The following MEP1B variants were observed in gnomAD, a reference collection of about 807,000 sequenced individuals.
The protein encoded by MEP1B is meprin A subunit beta.
Under a neutral mutation model 84.6 loss-of-function variants are expected in MEP1B, and 80 were observed. The ratio of observed to expected loss-of-function variants is 0.95; its 90% CI spans 0.79 to 1.14. The LOEUF (loss-of-function observed/expected upper bound fraction) is 1.14. MEP1B is among the 50% of genes most tolerant of loss of function. The pLI is 0.00. For synonymous variants in MEP1B, 273 were observed against 288.1 expected, an observed-to-expected ratio of 0.95 and a Z score of 0.53; for missense variants, 766 against 855.1, an observed-to-expected ratio of 0.90 and a Z score of 1.30.
At chr18:32,217,740 A>G (rs2041107076) in intron 13 of MEP1B, 21 bp from the exon 14 acceptor site, 4 of 1,597,926 alleles carry the variant, frequency 2.5e-6, no homozygotes, top group Non-Finnish European at 3.4e-6. Context: ...AATAACTCTG[A>G]GTCATGCTCT....
chr18:32,220,166 G>T, intron 14 of MEP1B, 65 bp from the exon 15 acceptor site: 1 of 1,423,732 alleles, frequency 7.0e-7, no homozygotes, highest in South Asian at 1.2e-5. Flanking sequence ...ATTTTATTAT[G>T]ATTCATTTAA....
rs1354435007 is a variant in MEP1B at position 32,203,379 on chromosome 18, G to C, written c.368+369G>C. On this transcript the variant is annotated intron_variant, in intron 6 of 14. Transcript: ENST00000269202. The stretch of plus-strand genomic sequence containing the variant: ...TTAACCTAACCACTCTTATTTCTTG[G>C]GTTAAGAAGGCGACAGTATTATTTG... 2.8e-4 allele frequency among the ~76,000 whole-genome samples: 42 copies of C among 152,088 alleles called. 1 individual carries two copies. The highest frequency in any genetic ancestry group is 2.8e-3 in the Admixed American group (42 of 15,268).
rs776190830 is a variant in MEP1B at position 32,217,934 on chromosome 18, G to A, written c.2060G>A (p.Ser687Asn). 6 of 1,613,932 alleles carry A rather than the reference G, an allele frequency of 3.7e-6. No homozygotes were observed. The East Asian group carries it at 1.1e-4, about 30-fold the overall frequency. Residue 687 changes from serine to asparagine, a missense_variant, in exon 14 of 15, where the codon AGC (serine) becomes AAC (asparagine). Transcript: ENST00000269202. ...CTRKKYRERM[S>N]SNRPNLTPQN... ...AGGAAGAAATATCGTGAAAGGATGA[G>A]CTCAAATCGACCAAATTTGACTCCG...
chr18:32,201,309 C>CAA (rs2040909664), intron 5 of MEP1B, among the ~76,000 whole-genome samples: 1 of 151,388 alleles, frequency 6.6e-6, no homozygotes, highest in Admixed American at 6.6e-5. Context: ...TACACACACA[C>CAA]ACACACACAC....
chr18:32,199,374 C>A (rs1475735096), intron 5 of MEP1B, among the ~76,000 whole-genome samples: 1 of 152,096 alleles, frequency 6.6e-6, no homozygotes, highest in Non-Finnish European at 1.5e-5. Context: ...AACTCAGTGC[C>A]ATTTTTTGGA....
chr18:32,215,245 C>T lies in MEP1B; in HGVS notation c.1743C>T (p.Ile581=). The T allele has an allele frequency of 6.3e-7, 1 of 1,587,768 alleles. No homozygotes were observed. Among genetic ancestry groups the T allele is most frequent in the Non-Finnish European group, 8.5e-7 (1 of 1,170,708 alleles). The part of the protein sequence containing the change: ...RDFIKGDDVY[I]LLTVEDISHL... Reference sequence around the variant, plus strand: ...TTATAAAAGGAGATGATGTTTATATCCTACTGACAGTGGAAGGTATGTCAA... The same window carrying T: ...TTATAAAAGGAGATGATGTTTATATTCTACTGACAGTGGAAGGTATGTCAA... Residue 581 remains isoleucine (I), a synonymous_variant, in exon 12 of 15, where the codon ATC becomes ATT. Coordinates refer to ENST00000269202, the MANE Select transcript of MEP1B (RefSeq NM_005925.3).
intron 7 of MEP1B, among the ~76,000 whole-genome samples, chr18:32,204,653 C>A (rs1461302928): frequency 3.9e-5 from 6 of 152,120 alleles, no homozygotes; most frequent in African/African-American, 1.4e-4. Context: ...TTTTGCAAAT[C>A]CCCAAGTCTT....
At position 32,214,957 on chromosome 18, in the gene MEP1B, G is replaced by C; in HGVS notation, c.1580-125G>C. On this transcript the variant is annotated intron_variant, in intron 11 of 14. Coordinates refer to ENST00000269202, the MANE Select transcript of MEP1B (RefSeq NM_005925.3). ...TGATTTGCCAGGGAATACATCACAG[G>C]TCAATAGCATCATTTAATTATTTTG... 5 of 695,656 alleles carry C rather than the reference G, an allele frequency of 7.2e-6. No homozygotes were observed. In the South Asian group the frequency reaches 9.7e-5, roughly 13 times the overall value. 43.1% of individuals were successfully genotyped at this position (695,656 alleles called of 1,614,324 possible).
chr18:32,208,298 T>C (rs1032623417), intron 9 of MEP1B, 27 bp downstream of exon 9: 7 of 1,572,838 alleles, frequency 4.5e-6, no homozygotes, highest in Middle Eastern at 1.7e-4. Flanking sequence ...ATTCCTAGAC[T>C]GTATACTCAG....
Position 32,190,103 on chromosome 18 carries a change from C to A in MEP1B, c.33C>A (p.Phe11Leu). The A allele has an allele frequency of 6.2e-7, 1 of 1,613,378 alleles. No homozygotes were observed. Among genetic ancestry groups the A allele is most frequent in the Non-Finnish European group, 8.5e-7 (1 of 1,179,586 alleles). Reference protein sequence around the residue: MDLWNLSWFLFLDALLVISGL... With the variant: MDLWNLSWFLLLDALLVISGL... ...TATGGAATCTGTCTTGGTTTCTGTT[C>A]TTGGATGCTCTTCTCGTGATTTCTG... The change falls in exon 1 of 15, where the codon TTC becomes TTA. Residue 11 changes from phenylalanine to leucine, a missense_variant. By Grantham distance (22) the Phe-to-Leu change is conservative. Coordinates refer to ENST00000269202, the MANE Select transcript of MEP1B (RefSeq NM_005925.3).
intron 12 of MEP1B, among the ~76,000 whole-genome samples, chr18:32,215,678 G>A (rs2041076674): frequency 6.6e-6 from 1 of 152,062 alleles, no homozygotes; most frequent in Admixed American, 6.6e-5. Context: ...TAAAAAATTA[G>A]CTGGGCGTGG....
At chr18:32,195,597 C>T (rs2040845142) in intron 5 of MEP1B, 112 bp downstream of exon 5, 2 of 635,688 alleles carry the variant, frequency 3.1e-6, no homozygotes, top group East Asian at 2.9e-5. Flanking sequence ...TTGGTTTGCT[C>T]CTTTGTGTGG....
chr18:32,195,273 C>T (rs985852653), intron 4 of MEP1B, 134 bp from the exon 5 acceptor site: 6 of 607,814 alleles, frequency 9.9e-6, no homozygotes, highest in Middle Eastern at 3.1e-4. Context: ...TACACACACA[C>T]ACACACACAC....
intron 1 of MEP1B, among the ~76,000 whole-genome samples, chr18:32,190,543 G>A (rs1033566525): frequency 6.6e-6 from 1 of 152,098 alleles, no homozygotes; most frequent in African/African-American, 2.4e-5. Context: ...TTCTTCATCA[G>A]TTTAGACTCA....
chr18:32,216,877 A>AAG, intron 12 of MEP1B, 114 bp from the exon 13 acceptor site: 2 of 1,304,334 alleles, frequency 1.5e-6, no homozygotes, highest in Non-Finnish European at 2.1e-6. Flanking sequence ...CTAAAAAAAA[A>AAG]AAAGAAAGAA....
At chr18:32,193,964 T>TG (rs1182813958) in intron 4 of MEP1B, among the ~76,000 whole-genome samples, 1 of 152,176 alleles carries the variant, frequency 6.6e-6, no homozygotes, top group African/African-American at 2.4e-5. Flanking sequence ...CAGCTCCACT[T>TG]GAATGTCTAC....
chr18:32,218,144 A>T (rs1003610667), intron 14 of MEP1B, among the ~76,000 whole-genome samples, 179 bp downstream of exon 14: 4 of 152,202 alleles, frequency 2.6e-5, no homozygotes, highest in Admixed American at 2.0e-4. Flanking sequence ...ACGATTCTTA[A>T]ACTGGGATTT....
intron 5 of MEP1B, among the ~76,000 whole-genome samples, chr18:32,199,890 C>T (rs1474309910): frequency 6.6e-6 from 1 of 152,210 alleles, no homozygotes; most frequent in Non-Finnish European, 1.5e-5. Flanking sequence ...AATCCACCCA[C>T]CTCGGCCTCC....
At chr18:32,207,190 T>C (rs2040974115) in intron 7 of MEP1B, 62 bp from the exon 8 acceptor site, 1 of 1,115,708 alleles carries the variant, frequency 9.0e-7, no homozygotes, top group African/African-American at 1.5e-5. Flanking sequence ...GTGAGCAGTA[T>C]TTGGAGTAAG....
Sources: allele counts gnomAD v4.1 joint callset (sites outside exome capture counted in the v4.1 genomes callset), GRCh38; gene constraint gnomAD v4.1.1; transcripts MANE v1.5; gene names NCBI Gene and HGNC (gene_info 2026-07-23, HGNC 2026-07-21).